The following FAM184B variants were observed in gnomAD, a reference collection of about 807,000 sequenced individuals.
FAM184B encodes family with sequence similarity 184 member B.
FAM184B carries 111 observed loss-of-function variants against 135.9 expected under a neutral mutation model. The ratio of observed to expected loss-of-function variants is 0.82; its 90% CI spans 0.70 to 0.96. The LOEUF (loss-of-function observed/expected upper bound fraction) is 0.96, where lower values mean the gene tolerates loss of function less well. FAM184B is among the 40% of genes least tolerant of loss of function. FAM184B has a pLI of 0.00. For missense variants in FAM184B, 1,375 were observed against 1,323.9 expected (o/e 1.04, Z -0.60); for synonymous variants, 552 against 524.8 (o/e 1.05, Z -0.71).
intron 1 of FAM184B, among the ~76,000 whole-genome samples, chr4:17,776,973 T>C (rs1446096151): frequency 1.3e-5 from 2 of 152,172 alleles, no homozygotes; most frequent in Non-Finnish European, 2.9e-5. Context: ...TTTGGCAATT[T>C]CTTAAAGAAG....
At position 17,635,096 on chromosome 4, in the gene FAM184B, G is replaced by A. The variant is rs111632471; in HGVS notation, c.2802C>T (p.His934=). The A allele has an allele frequency of 6.1e-5, 94 of 1,551,602 alleles. 2 individuals carry two copies. The African/African-American group carries it at 8.3e-4, about 14-fold the overall frequency. The change falls in exon 16 of 18, where the codon CAC becomes CAT. Residue 934 remains histidine (H), a synonymous_variant. Coordinates refer to ENST00000265018, the MANE Select transcript of FAM184B (RefSeq NM_015688.2). ...ACATGGCACTGGGGAATGCTGCGTA[G>A]TGAAATCTTCTCTCTTCCTAGAAAA... is the stretch of plus-strand genomic sequence containing the variant. The part of the protein sequence containing the change: ...IKQLTEERRF[H]YAAFPSAMSH...
chr4:17,705,711 C>T (rs1456639272), intron 4 of FAM184B, 41 bp downstream of exon 4: 9 of 1,549,388 alleles, frequency 5.8e-6, no homozygotes, highest in Non-Finnish European at 7.0e-6. Context: ...TAGCAAAGCT[C>T]TCTGTGCCTT....
intron 1 of FAM184B, among the ~76,000 whole-genome samples, chr4:17,754,331 C>T (rs1393519114): frequency 6.6e-6 from 1 of 152,064 alleles, no homozygotes; most frequent in East Asian, 1.9e-4. Flanking sequence ...GCAGGTAGAT[C>T]ACCTGAGTTC....
At chr4:17,669,785 A>C (rs1716129127) in intron 7 of FAM184B, among the ~76,000 whole-genome samples, 1 of 152,246 alleles carries the variant, frequency 6.6e-6, no homozygotes, top group African/African-American at 2.4e-5. Flanking sequence ...AAACTGATGG[A>C]TTAAGCAGAC....
intron 1 of FAM184B, among the ~76,000 whole-genome samples, chr4:17,713,448 C>T (rs923863858): frequency 6.6e-6 from 1 of 152,190 alleles, no homozygotes; most frequent in South Asian, 2.1e-4. Flanking sequence ...CCGTGACCTT[C>T]TAATGACTTC....
intron 1 of FAM184B, among the ~76,000 whole-genome samples, chr4:17,730,753 C>A (rs1286313840): frequency 6.6e-6 from 1 of 152,188 alleles, no homozygotes; most frequent in Non-Finnish European, 1.5e-5. Context: ...CTTTGACGAG[C>A]TGAGAGAAGA....
intron 1 of FAM184B, among the ~76,000 whole-genome samples, chr4:17,741,418 G>T (rs957319145): frequency 1.3e-5 from 2 of 152,214 alleles, no homozygotes; most frequent in African/African-American, 4.8e-5. Context: ...TCCTGGCCGG[G>T]CGTGGTGGCT....
At chr4:17,672,292 G>A (rs1577255193) in intron 7 of FAM184B, among the ~76,000 whole-genome samples, 1 of 152,090 alleles carries the variant, frequency 6.6e-6, no homozygotes, top group East Asian at 1.9e-4. Flanking sequence ...CTATACCTGG[G>A]AAAACCCTCC....
Position 17,708,974 on chromosome 4 carries a change from T to G in FAM184B, c.812A>C (p.Lys271Thr). 6.4e-7 allele frequency: 1 copy of G among 1,550,892 alleles called. No homozygotes were observed. Among genetic ancestry groups the G allele is most frequent in the Non-Finnish European group, 8.7e-7 (1 of 1,146,870 alleles). Residue 271 changes from lysine (K) to threonine (T), a missense_variant, in exon 2 of 18, where the codon AAG becomes ACG. Coordinates refer to ENST00000265018, the MANE Select transcript of FAM184B (RefSeq NM_015688.2). Reference protein sequence around the residue: ...QESALQAQVRKLEGDLEHRGR... With the variant: ...QESALQAQVRTLEGDLEHRGR... ...TCTGTGCTCCAGGTCTCCTTCCAGC[T>G]TCCGGACCTGAGCCTGCAGGGCTGA... is the stretch of plus-strand genomic sequence containing the variant.
chr4:17,688,646 A>T, intron 6 of FAM184B, 115 bp from the exon 7 acceptor site: 1 of 543,386 alleles, frequency 1.8e-6, no homozygotes, highest in Non-Finnish European at 3.1e-6. Context: ...AGAGTGCCCC[A>T]TTAGACAAAT....
chr4:17,638,793 C>G (rs1034173046), intron 14 of FAM184B, among the ~76,000 whole-genome samples: 1 of 144,490 alleles, frequency 6.9e-6, no homozygotes, highest in African/African-American at 2.9e-5. Context: ...GGGAACATAG[C>G]CTCATAAAAT....
chr4:17,698,804 C>G (rs1027135002), intron 5 of FAM184B, among the ~76,000 whole-genome samples: 1 of 152,126 alleles, frequency 6.6e-6, no homozygotes, highest in Non-Finnish European at 1.5e-5. Flanking sequence ...AGCTGGTTCA[C>G]AAGTAATTTA....
intron 12 of FAM184B, among the ~76,000 whole-genome samples, chr4:17,644,896 C>CA (rs1270892812): frequency 1.3e-5 from 2 of 152,198 alleles, no homozygotes; most frequent in African/African-American, 4.8e-5. Flanking sequence ...TCTCAGGATA[C>CA]AAAATCAATG....
chr4:17,662,529 A>G (rs979621984), intron 8 of FAM184B, among the ~76,000 whole-genome samples: 1 of 151,972 alleles, frequency 6.6e-6, no homozygotes, highest in South Asian at 2.1e-4. Context: ...GTAGCGATGA[A>G]GTTTCACCAT....
At chr4:17,734,589 A>G (rs1717863310) in intron 1 of FAM184B, among the ~76,000 whole-genome samples, 1 of 152,088 alleles carries the variant, frequency 6.6e-6, no homozygotes, top group African/African-American at 2.4e-5. Flanking sequence ...AATGCTCACC[A>G]TCACTGGCCA....
At chr4:17,773,555 T>C (rs1718865002) in intron 1 of FAM184B, among the ~76,000 whole-genome samples, 1 of 151,974 alleles carries the variant, frequency 6.6e-6, no homozygotes, top group South Asian at 2.1e-4. Context: ...TTCTCGAGAG[T>C]CAGTCTTCAG....
At chr4:17,640,042 G>C (rs1715263138) in intron 13 of FAM184B, among the ~76,000 whole-genome samples, 1 of 151,398 alleles carries the variant, frequency 6.6e-6, no homozygotes, top group African/African-American at 2.4e-5. Flanking sequence ...ATGTTGGCCA[G>C]GCTAGTCTCG....
At chr4:17,658,658 C>A in intron 9 of FAM184B, 96 bp from the exon 10 acceptor site, 1 of 1,185,616 alleles carries the variant, frequency 8.4e-7, no homozygotes, top group East Asian at 2.6e-5. Context: ...CTCCATGCAG[C>A]TGAGCCTCCT....
At chr4:17,678,808 A>G (rs1478547769) in intron 7 of FAM184B, among the ~76,000 whole-genome samples, 1 of 152,234 alleles carries the variant, frequency 6.6e-6, no homozygotes, top group Non-Finnish European at 1.5e-5. Flanking sequence ...CTAAAACAGC[A>G]TGGTACTGGT....
Sources: allele counts gnomAD v4.1 joint callset (sites outside exome capture counted in the v4.1 genomes callset), GRCh38; gene constraint gnomAD v4.1.1; transcripts MANE v1.5; gene names NCBI Gene and HGNC (gene_info 2026-07-23, HGNC 2026-07-21).